Variants in PPP2R5D observed in about 807,000 individuals in gnomAD.
PPP2R5D encodes the protein serine/threonine-protein phosphatase 2A 56 kDa regulatory subunit delta isoform.
Under a neutral mutation model 79.1 loss-of-function variants are expected in PPP2R5D, and 12 were observed. That is an observed-to-expected ratio of 0.15 (90% confidence interval 0.10 to 0.25). PPP2R5D has a LOEUF of 0.25. Ranked by LOEUF, PPP2R5D falls within the 10% of genes least tolerant of loss-of-function variation. The pLI, the probability that PPP2R5D is intolerant of heterozygous loss-of-function variation, is 1.00. For missense variants in PPP2R5D, 419 were observed against 760.2 expected (o/e 0.55, Z 5.28); for synonymous variants, 277 against 286.6 (o/e 0.97, Z 0.34).
intron 2 of PPP2R5D, among the ~76,000 whole-genome samples, chr6:42,997,821 T>G (rs914232762): frequency 1.3e-5 from 2 of 150,852 alleles, no homozygotes; most frequent in Admixed American, 1.3e-4. Context: ...GCTGGGATTA[T>G]AGGGGTGAGC....
chr6:43,000,762 T>C (rs73733785), intron 2 of PPP2R5D, among the ~76,000 whole-genome samples: 1 of 152,344 alleles, frequency 6.6e-6, no homozygotes, highest in African/African-American at 2.4e-5. Context: ...TATAGCCCCC[T>C]GTTCTGAGGA....
chr6:43,006,049 C>T lies in PPP2R5D; in HGVS notation c.106-414C>T, dbSNP rs73733786. On this transcript the variant is annotated intron_variant, in intron 2 of 15. Transcript: ENST00000485511. The surrounding 1 kb of genome is among the most constrained non-coding windows in gnomAD (Gnocchi z 4.7). ...GTCCAGTCAAGATACAGGATGTTTA[C>T]ATTACTCAGAAGGCTCCTCATGTCT... 4.4e-3 allele frequency among the ~76,000 whole-genome samples: 664 copies of T among 152,316 alleles called. 5 individuals carry two copies. Among genetic ancestry groups the T allele is most frequent in the African/African-American group, 0.015 (624 of 41,562 alleles).
chr6:43,008,340 T>G lies in PPP2R5D; in HGVS notation c.918-27T>G. 1 of 1,613,244 alleles carries G rather than the reference T, an allele frequency of 6.2e-7. No homozygotes were observed. Among genetic ancestry groups the G allele is most frequent in the Non-Finnish European group, 8.5e-7 (1 of 1,179,238 alleles). On this transcript the variant is annotated intron_variant, in intron 8 of 15. Coordinates refer to ENST00000485511, the MANE Select transcript of PPP2R5D (RefSeq NM_006245.4). This position sits in a 1 kb window ranked among gnomAD's most constrained non-coding sequence, Gnocchi z 4.2. ...ACTGAACTTGGATCTGACCCTCTGGTCCTAACAAATGTCCCTTAATTCCTA... is the reference window on the plus strand; with the variant it reads ...ACTGAACTTGGATCTGACCCTCTGGGCCTAACAAATGTCCCTTAATTCCTA...
rs1329546134 is a variant in PPP2R5D at position 43,010,944 on chromosome 6, A to C, written c.1618A>C (p.Thr540Pro). 1 of 1,614,074 alleles carries C rather than the reference A, an allele frequency of 6.2e-7. No individual in the cohort carries two copies. Among genetic ancestry groups the C allele is most frequent in the South Asian group, 1.1e-5 (1 of 91,088 alleles). ...PVYSMETETP[T>P]AEDIQLLKRT... Reference sequence around the variant, plus strand: ...GTACTCGATGGAGACAGAGACCCCCACAGCTGAGGACATCCAGCTTCTGAA... The same window carrying C: ...GTACTCGATGGAGACAGAGACCCCCCCAGCTGAGGACATCCAGCTTCTGAA... The change falls in exon 15 of 16, where the codon ACA (threonine) becomes CCA (proline). Residue 540 changes from threonine to proline, a missense_variant. Thr to Pro is a conservative substitution (Grantham distance 38, BLOSUM62 -1). Coordinates refer to ENST00000485511, the MANE Select transcript of PPP2R5D (RefSeq NM_006245.4). The surrounding 1 kb of genome is among the most constrained non-coding windows in gnomAD (Gnocchi z 4.7).
At chr6:42,989,530 C>A in intron 1 of PPP2R5D, 81 bp from the exon 2 acceptor site, 1 of 1,189,682 alleles carries the variant, frequency 8.4e-7, no homozygotes, top group Non-Finnish European at 1.2e-6. Flanking sequence ...AGGATATTTG[C>A]AACAAAGATC....
At chr6:42,996,113 G>C (rs539363135) in intron 2 of PPP2R5D, among the ~76,000 whole-genome samples, 2 of 147,472 alleles carry the variant, frequency 1.4e-5, no homozygotes, top group Non-Finnish European at 3.0e-5. Context: ...CAAAGGGCTG[G>C]GATTATAGGC....
Position 43,012,136 on chromosome 6 carries a change from G to A in PPP2R5D, c.*850G>A. Reference sequence around the variant, plus strand: ...TATTTCCTTGTTTGTGCTATGCTGGGCAGGCCTTCTCTTGTCCCTTATAGG... The same window carrying A: ...TATTTCCTTGTTTGTGCTATGCTGGACAGGCCTTCTCTTGTCCCTTATAGG... On this transcript the variant is annotated 3_prime_UTR_variant, in exon 16 of 16. Transcript: ENST00000485511. 1 of 915,712 alleles carries A rather than the reference G, an allele frequency of 1.1e-6. No homozygotes were observed. The highest frequency in any genetic ancestry group is 1.3e-6 in the Non-Finnish European group (1 of 751,814). 56.7% of individuals were successfully genotyped at this position (915,712 alleles called of 1,614,324 possible). A position where few individuals can be genotyped will look rare whatever the true frequency, so the allele number is the denominator to read the frequency against.
intron 2 of PPP2R5D, among the ~76,000 whole-genome samples, chr6:42,996,830 CTCT>C (rs1561842765): frequency 1.3e-5 from 2 of 152,090 alleles, no homozygotes; most frequent in Non-Finnish European, 2.9e-5. Flanking sequence ...GAGAGAAGGC[CTCT>C]GATTTTTGGG....
At position 42,994,818 on chromosome 6, in the gene PPP2R5D, C is replaced by CAA. The variant is rs57606135; in HGVS notation, c.105+5146_105+5147dup. Among the ~76,000 whole-genome samples, 1,052 of 110,132 alleles carry CAA rather than the reference C, an allele frequency of 9.6e-3. 16 individuals are homozygous for CAA. Among genetic ancestry groups the CAA allele is most frequent in the African/African-American group, 0.033 (999 of 30,598 alleles). 72.3% of individuals were successfully genotyped at this position (110,132 alleles called of 152,430 possible). On this transcript the variant is annotated intron_variant, in intron 2 of 15. Coordinates refer to ENST00000485511, the MANE Select transcript of PPP2R5D (RefSeq NM_006245.4). ...GGGCAACAAGAGCAAAACTCCATCT[C>CAA]AAAAAAAAAAAAAAAAATTAATGTC...
chr6:43,011,070 C>T, intron 15 of PPP2R5D, 73 bp downstream of exon 15: 3 of 1,610,262 alleles, frequency 1.9e-6, no homozygotes, highest in South Asian at 1.1e-5. Flanking sequence ...AACAGCAGAG[C>T]CAAAGAATAA....
intron 2 of PPP2R5D, among the ~76,000 whole-genome samples, chr6:42,996,608 GT>G (rs1282565352): frequency 3.9e-5 from 6 of 152,102 alleles, no homozygotes; most frequent in African/African-American, 1.4e-4. Flanking sequence ...CATTTTCCTT[GT>G]TCAGTTAGCT....
intron 2 of PPP2R5D, among the ~76,000 whole-genome samples, chr6:42,990,699 CTTTTTTTTTTTTTT>C (rs70990164): frequency 1.9e-4 from 10 of 51,572 alleles, no homozygotes; most frequent in Non-Finnish European, 2.4e-4. Context: ...CAGTATTCTA[CTTTTTTTTTTTTTT>C]TTTTTTTTTT....
In PPP2R5D at chr6:43,008,401, G is replaced by A; in HGVS notation, c.952G>A (p.Glu318Lys). The change falls in exon 9 of 16, where the codon GAG (glutamate) becomes AAG (lysine). Residue 318 changes from glutamate to lysine, a missense_variant. Physicochemically the swap from Glu to Lys is moderately conservative, Grantham distance 56. Around this residue, in one of 5 missense-constraint regions of PPP2R5D, gnomAD observed 196 missense variants for 424.5 expected, o/e 0.46. Coordinates refer to ENST00000485511, the MANE Select transcript of PPP2R5D (RefSeq NM_006245.4). This position sits in a 1 kb window ranked among gnomAD's most constrained non-coding sequence, Gnocchi z 4.2. Reference sequence around the variant, plus strand: ...TGGCTTTGCCCTGCCCCTTAAAGAAGAGCACAAGATGTTCCTCATCCGTGT... The same window carrying A: ...TGGCTTTGCCCTGCCCCTTAAAGAAAAGCACAAGATGTTCCTCATCCGTGT... ...INGFALPLKE[E>K]HKMFLIRVLL... The A allele has an allele frequency of 6.2e-7, 1 of 1,614,068 alleles. No homozygotes were observed. The highest frequency in any genetic ancestry group is 8.5e-7 in the Non-Finnish European group (1 of 1,180,000).
In PPP2R5D at chr6:43,006,471, GCAGCCC is replaced by G; in HGVS notation, c.135_140del (p.Pro46_Gln47del). Reference sequence around the variant, plus strand: ...GTGACTTGTTTGACCAGGCCCAGCCGCAGCCCCAGCCCCAGCCCCAGCCCCAAGCCC... The same window carrying G: ...GTGACTTGTTTGACCAGGCCCAGCCGCAGCCCCAGCCCCAGCCCCAAGCCC... On this transcript the variant is annotated inframe_deletion, in exon 3 of 16. Transcript: ENST00000485511. This position sits in a 1 kb window ranked among gnomAD's most constrained non-coding sequence, Gnocchi z 4.7. The G allele has an allele frequency of 5.9e-5, 95 of 1,612,850 alleles. No individual in the cohort carries two copies. The highest frequency in any genetic ancestry group is 4.7e-4 in the Admixed American group (28 of 59,936).
Position 43,010,786 on chromosome 6 carries a change from G to A in PPP2R5D, c.1554+50G>A. 1 of 1,609,380 alleles carries A rather than the reference G, an allele frequency of 6.2e-7. No individual in the cohort carries two copies. The highest frequency in any genetic ancestry group is 1.1e-5 in the South Asian group (1 of 90,982). ...GAACTGAGGGGCCAGCCCATCTTGA[G>A]CTGGGGGAGAGTTTGTTGGGGGAGG... On this transcript the variant is annotated intron_variant, in intron 14 of 15. Transcript: ENST00000485511. This position sits in a 1 kb window ranked among gnomAD's most constrained non-coding sequence, Gnocchi z 4.7.
At chr6:42,998,011 T>TAATATATATATATATATATATA (rs1189100610) in intron 2 of PPP2R5D, among the ~76,000 whole-genome samples, 3 of 72,590 alleles carry the variant, frequency 4.1e-5, no homozygotes, top group African/African-American at 1.7e-4. Context: ...TATTTGGGTT[T>TAATATATATATATATATATATA]TATTTATATA....
chr6:42,995,431 C>A (rs1463788818), intron 2 of PPP2R5D, among the ~76,000 whole-genome samples: 2 of 152,068 alleles, frequency 1.3e-5, no homozygotes, highest in African/African-American at 2.4e-5. Context: ...CTGTGCCCTG[C>A]CCAACTTCCT....
chr6:42,996,816 A>G (rs1771727695), intron 2 of PPP2R5D, among the ~76,000 whole-genome samples: 1 of 152,252 alleles, frequency 6.6e-6, no homozygotes. Flanking sequence ...GGATGTCACT[A>G]CTGGAGAGAA....
In PPP2R5D at chr6:43,011,481, C is replaced by T. The variant is rs1450743793; in HGVS notation, c.*195C>T. On this transcript the variant is annotated 3_prime_UTR_variant, in exon 16 of 16. Coordinates refer to ENST00000485511, the MANE Select transcript of PPP2R5D (RefSeq NM_006245.4). ...TCTTCTCCCCAAAAGGTGTTCATGC[C>T]TCCCTGTGGCTAGTACAGGCTGAGC... is the stretch of plus-strand genomic sequence containing the variant. 4.3e-6 allele frequency: 3 copies of T among 695,476 alleles called. No homozygotes were observed. The highest frequency in any genetic ancestry group is 2.8e-5 in the East Asian group (1 of 36,202). The allele number at this position is 695,476 out of a possible 1,614,324, so 43.1% of individuals were successfully genotyped here.
Sources: allele counts gnomAD v4.1 joint callset (sites outside exome capture counted in the v4.1 genomes callset), GRCh38; gene constraint gnomAD v4.1.1; regional missense constraint gnomAD v4.1.1; non-coding constraint Gnocchi (gnomAD v3.1); transcripts MANE v1.5; gene names NCBI Gene and HGNC (gene_info 2026-07-23, HGNC 2026-07-21).